The following CDK12 variants were observed in gnomAD, a reference collection of about 807,000 sequenced individuals.
The protein encoded by CDK12 is cyclin-dependent kinase 12.
CDK12 carries 17 observed loss-of-function variants against 133.8 expected under a neutral mutation model. That is an observed-to-expected ratio of 0.13 (90% CI 0.09 to 0.19). CDK12 has a LOEUF of 0.19. Ranked by LOEUF, CDK12 falls within the 10% of genes least tolerant of loss-of-function variation. CDK12 has a pLI of 1.00. For synonymous variants in CDK12, 694 were observed against 683.6 expected, an observed-to-expected ratio of 1.02 and a Z score of -0.24; for missense variants, 1,508 against 1,818.7, an observed-to-expected ratio of 0.83 and a Z score of 3.11.
chr17:39,549,104 C>G (rs1424031258), upstream of CDK12: 2 of 152,372 alleles, frequency 1.3e-5, no homozygotes, highest in African/African-American at 4.8e-5. Context: ...AACCCCCACT[C>G]TTGCCTGGAT....
chr17:39,509,516 T>G (rs755720571), intron 6 of CDK12, among the ~76,000 whole-genome samples, 189 bp from the exon 7 acceptor site: 19 of 151,902 alleles, frequency 1.3e-4, no homozygotes, highest in Non-Finnish European at 1.9e-4. Flanking sequence ...GTGTTAAGAG[T>G]AGAAGTAATC....
At chr17:39,553,061 C>G (rs536194462) in intron 2 of CDK12, among the ~76,000 whole-genome samples, 1 of 151,940 alleles carries the variant, frequency 6.6e-6, no homozygotes, top group Admixed American at 6.6e-5. Flanking sequence ...CAGATCTTTG[C>G]GGGGAAGAGG....
chr17:39,504,544 A>G (rs1431422078), intron 6 of CDK12, among the ~76,000 whole-genome samples: 2 of 152,078 alleles, frequency 1.3e-5, no homozygotes, highest in African/African-American at 4.8e-5. Flanking sequence ...GGGTGTCTTT[A>G]ATTTTTAATT....
downstream of CDK12, among the ~76,000 whole-genome samples, chr17:39,566,386 CA>C (rs1333528316): frequency 6.6e-6 from 1 of 152,106 alleles, no homozygotes; most frequent in African/African-American, 2.4e-5. Context: ...AAACACCAAG[CA>C]GTCTAGGGAG....
At chr17:39,480,538 T>C (rs1310845761) in intron 2 of CDK12, among the ~76,000 whole-genome samples, 1 of 151,918 alleles carries the variant, frequency 6.6e-6, no homozygotes, top group Non-Finnish European at 1.5e-5. Flanking sequence ...GCCTCCTGGG[T>C]TCTAGCGATC....
At chr17:39,478,949 A>G (rs1307815447) in intron 2 of CDK12, among the ~76,000 whole-genome samples, 1 of 152,060 alleles carries the variant, frequency 6.6e-6, no homozygotes, top group Non-Finnish European at 1.5e-5. Flanking sequence ...GCTGCTCCAT[A>G]TCCATGTACC....
Position 39,493,492 on chromosome 17 carries a change from A to G in CDK12, c.2248+602A>G, listed in dbSNP as rs546407735. ...CCCAGCTAATTTCTGTATTTTTAGT[A>G]GAGATGGGGTTTTACCATGTTGGCC... On this transcript the variant is annotated intron_variant, in intron 4 of 13. Transcript: ENST00000447079. Among the ~76,000 whole-genome samples the G allele has an allele frequency of 2.0e-5, 3 of 150,486 alleles. No individual in the cohort carries two copies. In the South Asian group the frequency reaches 6.3e-4, roughly 32 times the overall value.
intron 5 of CDK12, among the ~76,000 whole-genome samples, chr17:39,495,078 T>C (rs538110191): frequency 6.6e-6 from 1 of 151,822 alleles, no homozygotes; most frequent in South Asian, 2.1e-4. Context: ...GCCCTTTCTT[T>C]CTTATTTATC....
chr17:39,469,578 G>A (rs180737616), intron 1 of CDK12, among the ~76,000 whole-genome samples: 1 of 151,462 alleles, frequency 6.6e-6, no homozygotes, highest in East Asian at 1.9e-4. Flanking sequence ...GGTGAAGCAT[G>A]CTTGTTGCTT....
chr17:39,555,521 C>T (rs957101846), intron 2 of CDK12, among the ~76,000 whole-genome samples: 1 of 151,898 alleles, frequency 6.6e-6, no homozygotes, highest in African/African-American at 2.4e-5. Context: ...CCCCAGCTCT[C>T]CCGGGCAGTA....
chr17:39,473,505 G>A (rs1193644878), intron 2 of CDK12, among the ~76,000 whole-genome samples: 1 of 152,122 alleles, frequency 6.6e-6, no homozygotes, highest in East Asian at 1.9e-4. Flanking sequence ...ACTCTGGAAA[G>A]CCGAGGTAGA....
chr17:39,472,910 A>G (rs2049905500), intron 2 of CDK12, among the ~76,000 whole-genome samples: 2 of 151,500 alleles, frequency 1.3e-5, no homozygotes, highest in South Asian at 2.1e-4. Flanking sequence ...CCCTGCCTCT[A>G]CTAAAGATTT....
chr17:39,496,800 C>G (rs118128477), intron 5 of CDK12, among the ~76,000 whole-genome samples: 3 of 151,102 alleles, frequency 2.0e-5, no homozygotes, highest in African/African-American at 7.3e-5. Flanking sequence ...ATTTTTGATA[C>G]AGAGTTATTT....
intron 9 of CDK12, 22 bp from the exon 10 acceptor site, chr17:39,517,418 C>G (rs777808543): frequency 1.1e-5 from 15 of 1,419,230 alleles, no homozygotes; most frequent in Middle Eastern, 1.8e-4. Flanking sequence ...CTCCATTGTT[C>G]TTGCTTTTGC....
At chr17:39,476,046 A>G (rs1352157551) in intron 2 of CDK12, among the ~76,000 whole-genome samples, 2 of 152,092 alleles carry the variant, frequency 1.3e-5, no homozygotes, top group South Asian at 2.1e-4. Context: ...TAGAATATTA[A>G]TGTGGGTAAG....
chr17:39,549,514 C>T (rs1434829183), upstream of CDK12: 1 of 152,334 alleles, frequency 6.6e-6, no homozygotes, highest in Non-Finnish European at 1.5e-5. Flanking sequence ...AGTTATGGCT[C>T]CTTCCTCCCT....
Position 39,561,037 on chromosome 17 carries a change from C to A in CDK12, n.485-3723C>A, listed in dbSNP as rs144348344. ...TCAAAAAAAAACAAACAAAAAGCAG[C>A]AGTGTCATGGATCAGGGGACCTGTG... On this transcript the variant is annotated intron_variant and non_coding_transcript_variant, in intron 3 of 3. Transcript: ENST00000558240. 2.9e-3 allele frequency among the ~76,000 whole-genome samples: 441 copies of A among 152,184 alleles called. 1 individual carries two copies. The highest frequency in any genetic ancestry group is 9.4e-3 in the African/African-American group (390 of 41,542).
rs754691158 is a variant in CDK12, at chr17:39,531,082, C to T, written c.4239C>T (p.His1413=). ...LRFARVPLAL[H]PVVGQPFLKA... ...TTGCCAGGGTCCCCTTAGCGTTACA[C>T]CCGGTGGTCGGGCAACCATTCCTGA... The change falls in exon 14 of 14, where the codon CAC becomes CAT. Residue 1413 remains histidine, a synonymous_variant. Coordinates refer to ENST00000447079, the MANE Select transcript of CDK12 (RefSeq NM_016507.4). The T allele has an allele frequency of 6.9e-6, 11 of 1,599,796 alleles. No homozygotes were observed. In the East Asian group the frequency reaches 1.6e-4, roughly 23 times the overall value.
chr17:39,518,872 ATTT>A (rs1277115421), intron 10 of CDK12, among the ~76,000 whole-genome samples: 1 of 151,846 alleles, frequency 6.6e-6, no homozygotes, highest in East Asian at 1.9e-4. Context: ...AATTGGCCAT[ATTT>A]TTTACTTGTG....
Sources: allele counts gnomAD v4.1 joint callset (sites outside exome capture counted in the v4.1 genomes callset), GRCh38; gene constraint gnomAD v4.1.1; transcripts MANE v1.5; gene names NCBI Gene and HGNC (gene_info 2026-07-23, HGNC 2026-07-21).